The following MAF variants were observed in gnomAD, a reference collection of about 807,000 sequenced individuals.
The protein encoded by MAF is transcription factor Maf.
In MAF, 10 loss-of-function variants were observed where a neutral mutation model predicts 22.0. The ratio of observed to expected loss-of-function variants is 0.45; its 90% CI spans 0.28 to 0.77. The LOEUF is 0.77. Among genes scored for constraint, MAF ranks in the 30% least tolerant of loss-of-function variants. The pLI is 0.12. For missense variants in MAF, 544 were observed against 548.4 expected (o/e 0.99, Z 0.08); for synonymous variants, 337 against 255.8 (o/e 1.32, Z -3.03).
the MAF span, among the ~76,000 whole-genome samples, chr16:79,298,093 A>G: frequency 6.6e-6 from 1 of 152,278 alleles, no homozygotes; most frequent in Admixed American, 6.5e-5. Context: ...GCAGAGTATT[A>G]TACCAAGGGC....
the MAF span, among the ~76,000 whole-genome samples, chr16:79,409,463 T>C: frequency 0.049 from 7,416 of 152,320 alleles, 562 homozygotes; most frequent in African/African-American, 0.17. Context: ...TGTAGCCCAC[T>C]GGAGCTGAGT....
chr16:79,315,505 T>G, the MAF span, among the ~76,000 whole-genome samples: 1 of 152,224 alleles, frequency 6.6e-6, no homozygotes, highest in Non-Finnish European at 1.5e-5. Context: ...GCCACACATG[T>G]ATTAAATATT....
At chr16:79,215,555 G>A in the MAF span, among the ~76,000 whole-genome samples, 1,020 of 152,236 alleles carry the variant, frequency 6.7e-3, 9 homozygotes, top group Admixed American at 0.024. Context: ...CTTCCTGGCC[G>A]TGTCTAGGGC....
the MAF span, among the ~76,000 whole-genome samples, chr16:79,323,088 T>TGCA: frequency 7.6e-6 from 1 of 132,214 alleles, no homozygotes; most frequent in Non-Finnish European, 1.5e-5. Context: ...AGGCAGAGCT[T>TGCA]GCAGTGAGTG....
the MAF span, among the ~76,000 whole-genome samples, chr16:79,434,498 C>A: frequency 6.6e-6 from 1 of 152,082 alleles, no homozygotes; most frequent in South Asian, 2.1e-4. Context: ...CCAGCTCCAG[C>A]CTATTATGAT....
chr16:79,203,994 G>C, the MAF span: 3 of 152,128 alleles, frequency 2.0e-5, no homozygotes, highest in East Asian at 1.9e-4. Flanking sequence ...CGGGCATCAA[G>C]GTGGCCCAGT....
the MAF span, among the ~76,000 whole-genome samples, chr16:79,365,936 T>C: frequency 6.6e-6 from 1 of 152,274 alleles, no homozygotes; most frequent in Non-Finnish European, 1.5e-5. Flanking sequence ...TTGGACTTTA[T>C]GACTCCTTCG....
the MAF span, among the ~76,000 whole-genome samples, chr16:79,446,845 T>C: frequency 2.6e-5 from 4 of 151,662 alleles, no homozygotes; most frequent in African/African-American, 9.7e-5. Flanking sequence ...GAGTTTGAGG[T>C]TGAAAGGTTG....
At chr16:79,502,434 G>A in the MAF span, among the ~76,000 whole-genome samples, 1 of 152,104 alleles carries the variant, frequency 6.6e-6, no homozygotes, top group East Asian at 1.9e-4. Flanking sequence ...GGGAGGCCAA[G>A]GTGGGTGGGT....
At chr16:79,537,110 A>T in the MAF span, among the ~76,000 whole-genome samples, 2 of 152,224 alleles carry the variant, frequency 1.3e-5, no homozygotes, top group African/African-American at 4.8e-5. Context: ...TCCTGGGAAG[A>T]CTACATACTC....
At chr16:79,504,186 C>G in the MAF span, among the ~76,000 whole-genome samples, 1 of 152,170 alleles carries the variant, frequency 6.6e-6, no homozygotes, top group Admixed American at 6.5e-5. Flanking sequence ...TTTAAATACA[C>G]TTAAGCTGAG....
the MAF span, among the ~76,000 whole-genome samples, chr16:79,502,715 ATATATATATATATATATATATATATAT>A: frequency 9.9e-4 from 41 of 41,212 alleles, 2 homozygotes; most frequent in African/African-American, 2.6e-3. Context: ...ATAAATATAT[ATATATATATATATATATATATATATAT>A]ATATATATAT....
At chr16:79,258,891 C>T in the MAF span, among the ~76,000 whole-genome samples, 1 of 152,138 alleles carries the variant, frequency 6.6e-6, no homozygotes, top group African/African-American at 2.4e-5. Flanking sequence ...TGCTGTGCGA[C>T]TAGGGGAGGG....
chr16:79,457,775 T>G, the MAF span, among the ~76,000 whole-genome samples: 1 of 152,092 alleles, frequency 6.6e-6, no homozygotes, highest in Non-Finnish European at 1.5e-5. Context: ...CCCAGAGTGA[T>G]CAAGGCACCC....
At chr16:79,211,943 C>G in the MAF span, 9 of 1,537,400 alleles carry the variant, frequency 5.9e-6, no homozygotes, top group Non-Finnish European at 7.8e-6. Context: ...AGTGAAAAAT[C>G]TTAAGTACCA....
At chr16:79,341,700 T>TA in the MAF span, among the ~76,000 whole-genome samples, 1 of 152,208 alleles carries the variant, frequency 6.6e-6, no homozygotes, top group Non-Finnish European at 1.5e-5. Flanking sequence ...AATATAACTC[T>TA]GGCTTTGGTG....
the MAF span, among the ~76,000 whole-genome samples, chr16:79,258,018 A>G: frequency 6.6e-6 from 1 of 152,176 alleles, no homozygotes; most frequent in Admixed American, 6.5e-5. Flanking sequence ...TGAGAATAAA[A>G]TGTGACTCTG....
the MAF span, among the ~76,000 whole-genome samples, chr16:79,344,829 A>G: frequency 2.0e-5 from 3 of 152,216 alleles, no homozygotes; most frequent in Non-Finnish European, 4.4e-5. Context: ...ATCATTGTCA[A>G]GAACATAAGG....
At position 79,594,115 on chromosome 16, in the gene MAF, G is replaced by T; in HGVS notation, c.*345C>A. On this transcript the variant is annotated 3_prime_UTR_variant, in exon 2 of 2. Coordinates refer to ENST00000326043, the MANE Select transcript of MAF (RefSeq NM_005360.5). Reference sequence around the variant, plus strand: ...GCATGCCTATATATGATTTTAAAATGCTAATTGTTGCATTCCGGGAAACTT... The same window carrying T: ...GCATGCCTATATATGATTTTAAAATTCTAATTGTTGCATTCCGGGAAACTT... 3.2e-6 allele frequency: 1 copy of T among 308,384 alleles called. No individual in the cohort carries two copies. The highest frequency in any genetic ancestry group is 6.2e-6 in the Non-Finnish European group (1 of 162,552). 19.1% of individuals were successfully genotyped at this position (308,384 alleles called of 1,614,324 possible).
Sources: gnomAD v4.1 joint callset for allele counts (sites outside exome capture counted in the v4.1 genomes callset) on GRCh38, gnomAD v4.1.1 for gene constraint, MANE v1.5 for transcripts, NCBI Gene and HGNC (gene_info 2026-07-23, HGNC 2026-07-21) for gene names.